TMEM245: variants seen among roughly 807,000 people sequenced by gnomAD.
TMEM245 encodes the protein protein CG-2.
In TMEM245, 69 loss-of-function variants were observed where a neutral mutation model predicts 101.2. The observed-to-expected ratio is 0.68, with a 90% CI of 0.56 to 0.83. TMEM245 has a LOEUF of 0.83. TMEM245 is among the 40% of genes least tolerant of loss of function. The pLI, the probability that TMEM245 is intolerant of heterozygous loss-of-function variation, is 0.00. For missense variants in TMEM245, 1,075 were observed against 1,092.8 expected, an observed-to-expected ratio of 0.98 and a Z score of 0.23; for synonymous variants, 537 against 449.8, an observed-to-expected ratio of 1.19 and a Z score of -2.45.
intron 12 of TMEM245, among the ~76,000 whole-genome samples, chr9:109,054,006 T>G (rs1828762578): frequency 6.6e-6 from 1 of 152,172 alleles, no homozygotes; most frequent in Non-Finnish European, 1.5e-5. Context: ...CAAAACGCCA[T>G]TTCAACACAG....
At chr9:109,101,071 C>T (rs911052770) in intron 3 of TMEM245, among the ~76,000 whole-genome samples, 10 of 152,196 alleles carry the variant, frequency 6.6e-5, no homozygotes, top group African/African-American at 1.7e-4. Flanking sequence ...ATGGTCACAC[C>T]ACCACTGCAC....
intron 14 of TMEM245, among the ~76,000 whole-genome samples, chr9:109,040,992 A>C (rs1828284377): frequency 6.6e-6 from 1 of 152,192 alleles, no homozygotes; most frequent in South Asian, 2.1e-4. Flanking sequence ...TATCTATTTA[A>C]CTTTATAACT....
At chr9:109,118,511 T>C (rs766860611) in intron 1 of TMEM245, among the ~76,000 whole-genome samples, 1 of 151,746 alleles carries the variant, frequency 6.6e-6, no homozygotes, top group Non-Finnish European at 1.5e-5. Flanking sequence ...AGTTAGGAAT[T>C]GTGTCACTAG....
At chr9:109,020,579 CCTAATGAGATTATATAGTCA>C in intron 17 of TMEM245, 74 bp from the exon 18 acceptor site, 1 of 1,356,452 alleles carries the variant, frequency 7.4e-7, no homozygotes, top group East Asian at 2.3e-5. Context: ...CTTTTGGAGC[CCTAATGAGATTATATAGTCA>C]CTATTTTTTC....
chr9:109,078,371 A>T (rs994428274), intron 8 of TMEM245, among the ~76,000 whole-genome samples: 4 of 152,166 alleles, frequency 2.6e-5, no homozygotes, highest in African/African-American at 9.6e-5. Flanking sequence ...TTGGATCCAG[A>T]TTATTTCTGG....
intron 14 of TMEM245, among the ~76,000 whole-genome samples, chr9:109,041,452 A>ATTTTTTTTTTTT (rs1475469527): frequency 7.7e-6 from 1 of 129,568 alleles, no homozygotes; most frequent in Non-Finnish European, 1.6e-5. Context: ...CCATCCTACA[A>ATTTTTTTTTTTT]ATTTTTTTTT....
intron 17 of TMEM245, among the ~76,000 whole-genome samples, chr9:109,022,972 T>C (rs1827676303): frequency 6.6e-6 from 1 of 152,240 alleles, no homozygotes; most frequent in Admixed American, 6.5e-5. Flanking sequence ...ACACATTAAA[T>C]AAGATTAAGG....
chr9:109,060,725 G>A lies in TMEM245; in HGVS notation c.1624-273C>T, dbSNP rs145253321. ...CAGAGAATGGTGCAAATGAAGCCATGATTGCTGACTTATCTGATCTTACCT... is the reference window on the plus strand; with the variant it reads ...CAGAGAATGGTGCAAATGAAGCCATAATTGCTGACTTATCTGATCTTACCT... On this transcript the variant is annotated intron_variant, in intron 10 of 17. Transcript: ENST00000374586. 6.3e-4 allele frequency among the ~76,000 whole-genome samples: 96 copies of A among 152,288 alleles called. 2 individuals carry two copies. The highest frequency in any genetic ancestry group is 2.3e-3 in the African/African-American group (94 of 41,560).
In TMEM245 at chr9:109,119,848, C is replaced by A; in HGVS notation, c.66G>T (p.Arg22=). The stretch of plus-strand genomic sequence containing the variant: ...CACTCGGCCCGACCGCGCGCGGGAC[C>A]CGCGGCGCCGGCCCGGGAGAGCTCC... ...SLRSSPGPAP[R]VPRAVGPSGG... The change falls in exon 1 of 18, where the codon CGG becomes CGT. Residue 22 remains arginine, a synonymous_variant. Coordinates refer to ENST00000374586, the MANE Select transcript of TMEM245 (RefSeq NM_032012.4). The A allele has an allele frequency of 7.5e-7, 1 of 1,331,330 alleles. No homozygotes were observed. Among genetic ancestry groups the A allele is most frequent in the Non-Finnish European group, 9.5e-7 (1 of 1,051,270 alleles). 82.5% of individuals were successfully genotyped at this position (1,331,330 alleles called of 1,614,324 possible).
chr9:109,036,392 G>A lies in TMEM245; in HGVS notation c.2225-12C>T, dbSNP rs749522810. 20 of 1,565,008 alleles carry A rather than the reference G, an allele frequency of 1.3e-5. No homozygotes were observed. The highest frequency in any genetic ancestry group is 1.7e-5 in the Non-Finnish European group (20 of 1,161,596). On this transcript the variant is annotated splice_polypyrimidine_tract_variant and intron_variant, in intron 15 of 17. Coordinates refer to ENST00000374586, the MANE Select transcript of TMEM245 (RefSeq NM_032012.4). Reference sequence around the variant, plus strand: ...GATTGCTGCTAATGCTGAAAAAAGAGTAAAAGAAAAACAACTTAACATCAT... The same window carrying A: ...GATTGCTGCTAATGCTGAAAAAAGAATAAAAGAAAAACAACTTAACATCAT...
chr9:109,039,193 C>T (rs559903581), intron 14 of TMEM245: 2 of 152,270 alleles, frequency 1.3e-5, no homozygotes, highest in South Asian at 4.1e-4. Flanking sequence ...GACATGGATC[C>T]AGGGGCAGAG....
chr9:109,079,508 G>A lies in TMEM245; in HGVS notation c.1449+1331C>T, dbSNP rs116526346. On this transcript the variant is annotated intron_variant, in intron 8 of 17. Transcript: ENST00000374586. ...CATTCAAGTAGATACTGTCATGGATGTTTCAGAGAATGACAGCTGTACTGG... is the reference window on the plus strand; with the variant it reads ...CATTCAAGTAGATACTGTCATGGATATTTCAGAGAATGACAGCTGTACTGG... Among the ~76,000 whole-genome samples, 829 of 152,190 alleles carry A rather than the reference G, an allele frequency of 5.4e-3. 13 individuals are homozygous for A. The highest frequency in any genetic ancestry group is 0.019 in the African/African-American group (793 of 41,540).
At chr9:109,026,017 T>C (rs1827780768) in intron 17 of TMEM245, among the ~76,000 whole-genome samples, 1 of 152,210 alleles carries the variant, frequency 6.6e-6, no homozygotes, top group Admixed American at 6.5e-5. Flanking sequence ...CTTAATAAAA[T>C]GCAACCATCT....
intron 10 of TMEM245, among the ~76,000 whole-genome samples, chr9:109,064,092 G>GA (rs750498912): frequency 8.8e-5 from 13 of 148,534 alleles, no homozygotes; most frequent in Admixed American, 2.0e-4. Context: ...AACAGTAAAA[G>GA]AAAAAAAAAC....
intron 8 of TMEM245, among the ~76,000 whole-genome samples, chr9:109,079,799 A>G (rs1451554987): frequency 6.6e-6 from 1 of 152,106 alleles, no homozygotes; most frequent in Non-Finnish European, 1.5e-5. Flanking sequence ...AGACCATACT[A>G]ATGAAAGAAC....
chr9:109,021,913 G>C (rs745382457), intron 17 of TMEM245, among the ~76,000 whole-genome samples: 1 of 152,192 alleles, frequency 6.6e-6, no homozygotes, highest in Non-Finnish European at 1.5e-5. Context: ...ACAGCTCACA[G>C]TAGTAGAAAC....
intron 7 of TMEM245, among the ~76,000 whole-genome samples, chr9:109,083,352 T>C (rs140059243): frequency 2.0e-5 from 3 of 152,276 alleles, no homozygotes; most frequent in African/African-American, 7.2e-5. Flanking sequence ...GCTGATCCTG[T>C]CCCACGTTCT....
chr9:109,079,171 A>C (rs1829599527), intron 8 of TMEM245, among the ~76,000 whole-genome samples: 1 of 151,886 alleles, frequency 6.6e-6, no homozygotes. Context: ...CTACCTGGTC[A>C]TTTTCTAATG....
At chr9:109,032,863 A>G (rs991192784) in intron 17 of TMEM245, among the ~76,000 whole-genome samples, 1 of 144,482 alleles carries the variant, frequency 6.9e-6, no homozygotes, top group African/African-American at 2.6e-5. Context: ...CAGTGGCACA[A>G]TCTGGGCTCA....
Sources: gnomAD v4.1 joint callset for allele counts (sites outside exome capture counted in the v4.1 genomes callset) on GRCh38, gnomAD v4.1.1 for gene constraint, MANE v1.5 for transcripts, NCBI Gene and HGNC (gene_info 2026-07-23, HGNC 2026-07-21) for gene names.